The following LOX variants were observed in gnomAD, a reference collection of about 807,000 sequenced individuals.
The protein encoded by LOX is protein-lysine 6-oxidase.
LOX carries 12 observed loss-of-function variants against 50.5 expected under a neutral mutation model. The ratio of observed to expected loss-of-function variants is 0.24; its 90% CI spans 0.15 to 0.38. The LOEUF is 0.38. Ranked by LOEUF, LOX falls within the 10% of genes least tolerant of loss-of-function variation. The pLI is 1.00. For missense variants in LOX, 504 were observed against 563.8 expected (o/e 0.89, Z 1.07); for synonymous variants, 254 against 230.6 (o/e 1.10, Z -0.92).
At chr5:122,074,797 T>C (rs1343592451) in intron 3 of LOX, among the ~76,000 whole-genome samples, 1 of 152,188 alleles carries the variant, frequency 6.6e-6, no homozygotes, top group Non-Finnish European at 1.5e-5. Flanking sequence ...GAAAAAACAA[T>C]GAGGACTGGC....
At chr5:122,075,594 AC>A in intron 2 of LOX, 53 bp from the exon 3 acceptor site, 1 of 1,209,484 alleles carries the variant, frequency 8.3e-7, no homozygotes, top group Non-Finnish European at 1.2e-6. Flanking sequence ...TTAACTAAAG[AC>A]AAAACTACAA....
rs1754230670 is a variant in LOX, at chr5:122,063,891, T to C, written c.*2852A>G. The C allele has an allele frequency of 6.6e-6, 1 of 151,908 alleles. No individual in the cohort carries two copies. The highest frequency in any genetic ancestry group is 2.1e-4 in the South Asian group (1 of 4,824). 9.4% of individuals were successfully genotyped at this position (151,908 alleles called of 1,614,324 possible). A position where few individuals can be genotyped will look rare whatever the true frequency, so the allele number is the denominator to read the frequency against. ...AAGAGAAAAAAAGTACTACAAATAA[T>C]GCCTAGTGAGTAATTGGATGATAGA... is the stretch of plus-strand genomic sequence containing the variant. On this transcript the variant is annotated 3_prime_UTR_variant, in exon 7 of 7. Coordinates refer to ENST00000231004, the MANE Select transcript of LOX (RefSeq NM_002317.7).
intron 3 of LOX, 79 bp from the exon 4 acceptor site, chr5:122,074,248 T>A (rs1754549352): frequency 1.1e-5 from 14 of 1,232,092 alleles, no homozygotes; most frequent in Non-Finnish European, 1.6e-5. Flanking sequence ...ACTTCCCCCA[T>A]GGCTTCACAA....
rs1754418813 is a variant in LOX, at chr5:122,070,521, A to C, written c.1104T>G (p.Asp368Glu). The change falls in exon 5 of 7, where the codon GAT becomes GAG. Residue 368 changes from aspartate (D) to glutamate (E), a missense_variant. By Grantham distance (45) the Asp-to-Glu change is conservative. This residue lies in a region of LOX where 106 missense variants were observed against 198.1 expected (regional missense o/e 0.54). Transcript: ENST00000231004. ...DIDCQWIDIT[D>E]VKPGNYILKV... ...TTAGGATATAGTTTCCAGGTTTTAC[A>C]TCTGTAATATCAATCCACTGGCAGT... 1 of 1,606,986 alleles carries C rather than the reference A, an allele frequency of 6.2e-7. No homozygotes were observed. Among genetic ancestry groups the C allele is most frequent in the Non-Finnish European group, 8.5e-7 (1 of 1,174,588 alleles).
In LOX at chr5:122,066,583, C is replaced by T; in HGVS notation, c.*160G>A. 1.9e-6 allele frequency: 1 copy of T among 534,084 alleles called. No homozygotes were observed. Among genetic ancestry groups the T allele is most frequent in the African/African-American group, 1.9e-5 (1 of 52,764 alleles). The allele number at this position is 534,084 out of a possible 1,614,324, so 33.1% of individuals were successfully genotyped here. On this transcript the variant is annotated 3_prime_UTR_variant, in exon 7 of 7. Transcript: ENST00000231004. ...AATGATGACTTAAGCGTTCAAAATC[C>T]AGTTATGTGCTTTGTTATTGAAAAC...
At chr5:122,073,154 T>A (rs1306768727) in intron 4 of LOX, among the ~76,000 whole-genome samples, 1 of 152,210 alleles carries the variant, frequency 6.6e-6, no homozygotes, top group African/African-American at 2.4e-5. Context: ...GATCCCTTCA[T>A]ACCCTCAGTT....
intron 6 of LOX, among the ~76,000 whole-genome samples, chr5:122,067,090 A>G (rs1754322063): frequency 6.6e-6 from 1 of 152,120 alleles, no homozygotes; most frequent in African/African-American, 2.4e-5. Context: ...GTCCACCAAG[A>G]AGTAGAGTCA....
chr5:122,077,900 T>C lies in LOX; in HGVS notation c.86A>G (p.Gln29Arg), dbSNP rs768939667. 2.6e-6 allele frequency: 4 copies of C among 1,519,654 alleles called. No individual in the cohort carries two copies. In the Admixed American group the frequency reaches 9.4e-5, roughly 36 times the overall value. 94.1% of individuals were successfully genotyped at this position (1,519,654 alleles called of 1,614,324 possible). ...CGCCGGCGGCTCGCGCGGGGGCTGCTGTTGGCCGGCGGCGGGAGGGGCGCA... is the reference window on the plus strand; with the variant it reads ...CGCCGGCGGCTCGCGCGGGGGCTGCCGTTGGCCGGCGGCGGGAGGGGCGCA... ...VHCAPPAAGQ[Q>R]QPPREPPAAP... Residue 29 changes from glutamine to arginine, a missense_variant, in exon 1 of 7, where the codon CAG becomes CGG. Coordinates refer to ENST00000231004, the MANE Select transcript of LOX (RefSeq NM_002317.7). The surrounding 1 kb of genome is among the most constrained non-coding windows in gnomAD (Gnocchi z 4.9).
In LOX at chr5:122,064,212, G is replaced by T. The variant is rs750845317; in HGVS notation, c.*2531C>A. 1 of 151,794 alleles carries T rather than the reference G, an allele frequency of 6.6e-6. No individual in the cohort carries two copies. Among genetic ancestry groups the T allele is most frequent in the Non-Finnish European group, 1.5e-5 (1 of 67,868 alleles). 9.4% of individuals were successfully genotyped at this position (151,794 alleles called of 1,614,324 possible). ...ATTTTTTAAAATGTATTTAGAGTTT[G>T]GTAAGACTGGTCTGTGTTATTTTAT... is the stretch of plus-strand genomic sequence containing the variant. On this transcript the variant is annotated 3_prime_UTR_variant, in exon 7 of 7. Transcript: ENST00000231004.
At chr5:122,071,232 A>G (rs1398293306) in intron 4 of LOX, among the ~76,000 whole-genome samples, 1 of 151,400 alleles carries the variant, frequency 6.6e-6, no homozygotes, top group Non-Finnish European at 1.5e-5. Flanking sequence ...TAAAAATTCA[A>G]TTTTCACAAC....
At chr5:122,070,776 A>T (rs1315895018) in intron 4 of LOX, 187 bp from the exon 5 acceptor site, 1 of 456,346 alleles carries the variant, frequency 2.2e-6, no homozygotes, top group East Asian at 3.3e-5. Flanking sequence ...CAGCTAAAAA[A>T]GATACAGGAC....
At position 122,078,016 on chromosome 5, in the gene LOX, G is replaced by C; in HGVS notation, c.-31C>G. The C allele has an allele frequency of 7.0e-7, 1 of 1,438,664 alleles. No homozygotes were observed. The highest frequency in any genetic ancestry group is 2.7e-5 in the East Asian group (1 of 37,312). 89.1% of individuals were successfully genotyped at this position (1,438,664 alleles called of 1,614,324 possible). ...CTTTTGCCAGATTGACCCCGCTCGA[G>C]GAGGACGTGGCTCACAGAAAATAAA... On this transcript the variant is annotated 5_prime_UTR_variant, in exon 1 of 7. Coordinates refer to ENST00000231004, the MANE Select transcript of LOX (RefSeq NM_002317.7).
In LOX at chr5:122,063,734, C is replaced by T. The variant is rs776647769; in HGVS notation, c.*3009G>A. 3.3e-5 allele frequency: 5 copies of T among 151,816 alleles called. No homozygotes were observed. The highest frequency in any genetic ancestry group is 7.4e-5 in the Non-Finnish European group (5 of 67,854). 9.4% of individuals were successfully genotyped at this position (151,816 alleles called of 1,614,324 possible). A position where few individuals can be genotyped will look rare whatever the true frequency, so the allele number is the denominator to read the frequency against. ...TTTTTAAAACAAAATATCTCCTTAC[C>T]AGGAATTCAGTATTTTCATGCAATC... On this transcript the variant is annotated 3_prime_UTR_variant, in exon 7 of 7. Coordinates refer to ENST00000231004, the MANE Select transcript of LOX (RefSeq NM_002317.7).
chr5:122,074,006 A>C lies in LOX; in HGVS notation c.1035+7T>G. 1 of 1,609,812 alleles carries C rather than the reference A, an allele frequency of 6.2e-7. No individual in the cohort carries two copies. The highest frequency in any genetic ancestry group is 8.5e-7 in the Non-Finnish European group (1 of 1,176,692). On this transcript the variant is annotated splice_region_variant and intron_variant, in intron 4 of 6. Coordinates refer to ENST00000231004, the MANE Select transcript of LOX (RefSeq NM_002317.7). ...TTGAGGTTCTGGATTTCAGGGTGCC[A>C]ACATACCTGTGTGTGTGCAGTACAT... is the stretch of plus-strand genomic sequence containing the variant.
chr5:122,075,523 A>T lies in LOX; in HGVS notation c.759T>A (p.Asp253Glu). The change falls in exon 3 of 7, where the codon GAT becomes GAA. Residue 253 changes from aspartate to glutamate, a missense_variant. Transcript: ENST00000231004. ...NCLASTAYRA[D>E]VRDYDHRVLL... ...GCACCCTGTGATCATAATCTCTGAC[A>T]TCTGCCCTGTATGCTGTACTGTGAT... 1 of 1,610,692 alleles carries T rather than the reference A, an allele frequency of 6.2e-7. No individual in the cohort carries two copies. Among genetic ancestry groups the T allele is most frequent in the Non-Finnish European group, 8.5e-7 (1 of 1,178,606 alleles).
chr5:122,070,095 T>C lies in LOX; in HGVS notation c.1205A>G (p.Tyr402Cys), dbSNP rs1366992187. Residue 402 changes from tyrosine (Y) to cysteine (C), a missense_variant, in exon 6 of 7, where the codon TAC becomes TGC. Physicochemically the swap from Tyr to Cys is radical, Grantham distance 194. Transcript: ENST00000231004. ...TGAGGCATACGCATGATGTCCTGTG[T>C]AGCGAATGTCACAGCGCACAACATT... is the stretch of plus-strand genomic sequence containing the variant. ...TNNVVRCDIR[Y>C]TGHHAYASGC... 1 of 1,613,310 alleles carries C rather than the reference T, an allele frequency of 6.2e-7. No individual in the cohort carries two copies. The highest frequency in any genetic ancestry group is 1.3e-5 in the African/African-American group (1 of 75,000).
Position 122,078,044 on chromosome 5 carries a change from C to G in LOX, c.-59G>C. ...GGACGTGGCTCACAGAAAATAAAAACGGGGCTCAAATCACGTGAGGGAAGG... is the reference window on the plus strand; with the variant it reads ...GGACGTGGCTCACAGAAAATAAAAAGGGGGCTCAAATCACGTGAGGGAAGG... On this transcript the variant is annotated 5_prime_UTR_variant, in exon 1 of 7. Coordinates refer to ENST00000231004, the MANE Select transcript of LOX (RefSeq NM_002317.7). The G allele has an allele frequency of 7.1e-7, 1 of 1,407,142 alleles. No individual in the cohort carries two copies. The highest frequency in any genetic ancestry group is 1.7e-5 in the South Asian group (1 of 57,458). The allele number at this position is 1,407,142 out of a possible 1,614,324, so 87.2% of individuals were successfully genotyped here.
intron 3 of LOX, 134 bp downstream of exon 3, chr5:122,075,269 TA>T: frequency 2.6e-6 from 2 of 769,974 alleles, no homozygotes; most frequent in Non-Finnish European, 4.0e-6. Context: ...TGAAATTACA[TA>T]GAGAAAAATT....
chr5:122,068,601 A>T (rs370953109), intron 6 of LOX, among the ~76,000 whole-genome samples: 1 of 152,194 alleles, frequency 6.6e-6, no homozygotes, highest in African/African-American at 2.4e-5. Context: ...CCTGTACCTG[A>T]CAATGGGTAT....
Sources: allele counts gnomAD v4.1 joint callset (sites outside exome capture counted in the v4.1 genomes callset), GRCh38; gene constraint gnomAD v4.1.1; regional missense constraint gnomAD v4.1.1; non-coding constraint Gnocchi (gnomAD v3.1); transcripts MANE v1.5; gene names NCBI Gene and HGNC (gene_info 2026-07-23, HGNC 2026-07-21).